The following AEBP2 variants were observed in gnomAD, a reference collection of about 807,000 sequenced individuals.
AEBP2 encodes the protein AE binding protein 2.
A neutral mutation model predicts 50.8 loss-of-function variants in AEBP2; 10 were observed. The observed-to-expected ratio is 0.20, with a 90% CI of 0.12 to 0.33. AEBP2 has a LOEUF of 0.33. Ranked by LOEUF, AEBP2 falls within the 10% of genes least tolerant of loss-of-function variation. The pLI, the probability that AEBP2 is intolerant of heterozygous loss-of-function variation, is 1.00. For synonymous variants in AEBP2, 296 were observed against 261.3 expected, an observed-to-expected ratio of 1.13 and a Z score of -1.28; for missense variants, 570 against 688.0, an observed-to-expected ratio of 0.83 and a Z score of 1.92.
At chr12:19,517,008 A>G (rs1252165485) in intron 7 of AEBP2, among the ~76,000 whole-genome samples, 1 of 152,188 alleles carries the variant, frequency 6.6e-6, no homozygotes, top group Non-Finnish European at 1.5e-5. Flanking sequence ...CCTCAGCTAC[A>G]GAGCAAGAGT....
At chr12:19,419,896 C>T (rs982030326) in intron 1 of AEBP2, among the ~76,000 whole-genome samples, 8 of 152,132 alleles carry the variant, frequency 5.3e-5, no homozygotes, top group African/African-American at 1.9e-4. Flanking sequence ...CACCACTGCG[C>T]TCCAGCCTGG....
At chr12:19,501,799 T>TTTTTTTTTTTTTTTTTTTTTTTTG (rs1949084325) in intron 5 of AEBP2, among the ~76,000 whole-genome samples, 2 of 75,102 alleles carry the variant, frequency 2.7e-5, no homozygotes, top group African/African-American at 1.4e-4. Flanking sequence ...ATGAGTTTGT[T>TTTTTTTTTTTTTTTTTTTTTTTTG]TTTTTTTTTT....
chr12:19,439,658 C>T lies in AEBP2; in HGVS notation c.-42C>T, dbSNP rs1220180145. ...GGGAGAGAGAGTCGAGAGAGGGAGG[C>T]GGCGGTGGGGAGGAGGAGGAGGAGG... On this transcript the variant is annotated 5_prime_UTR_variant, in exon 1 of 8. Coordinates refer to ENST00000266508, the MANE Select transcript of AEBP2 (RefSeq NM_153207.5). 9 of 1,464,698 alleles carry T rather than the reference C, an allele frequency of 6.1e-6. No homozygotes were observed. The highest frequency in any genetic ancestry group is 2.7e-5 in the East Asian group (1 of 36,374). 90.7% of individuals were successfully genotyped at this position (1,464,698 alleles called of 1,614,324 possible). A position where few individuals can be genotyped will look rare whatever the true frequency, so the allele number is the denominator to read the frequency against.
At chr12:19,415,681 C>T (rs2095742169) in intron 1 of AEBP2, among the ~76,000 whole-genome samples, 1 of 151,156 alleles carries the variant, frequency 6.6e-6, no homozygotes, top group Non-Finnish European at 1.5e-5. Context: ...CAATACAATA[C>T]AATACAATAC....
chr12:19,513,962 A>G (rs61912794), intron 6 of AEBP2, among the ~76,000 whole-genome samples: 1 of 133,262 alleles, frequency 7.5e-6, no homozygotes, highest in Non-Finnish European at 1.6e-5. Context: ...TTTTTTTTAA[A>G]TGGACTTTAA....
At chr12:19,455,017 T>A (rs369990484) in intron 1 of AEBP2, among the ~76,000 whole-genome samples, 2 of 152,062 alleles carry the variant, frequency 1.3e-5, no homozygotes, top group African/African-American at 4.8e-5. Context: ...TTTTTTTTTT[T>A]CATGAGATAG....
rs186577244 is a variant in AEBP2 at position 19,467,384 on chromosome 12, C to T, written c.879+4667C>T. Among the ~76,000 whole-genome samples, 492 of 152,308 alleles carry T rather than the reference C, an allele frequency of 3.2e-3. 4 individuals are homozygous for T. The highest frequency in any genetic ancestry group is 4.8e-3 in the Non-Finnish European group (324 of 68,024). Reference sequence around the variant, plus strand: ...TCTCCACTCACTGCAACCTCCACCTCCCAGGTTCGAGTGATGCTCCTGTGT... The same window carrying T: ...TCTCCACTCACTGCAACCTCCACCTTCCAGGTTCGAGTGATGCTCCTGTGT... On this transcript the variant is annotated intron_variant, in intron 2 of 7. Transcript: ENST00000266508.
intron 1 of AEBP2, among the ~76,000 whole-genome samples, chr12:19,422,920 C>T (rs1375477483): frequency 3.3e-5 from 5 of 151,130 alleles, no homozygotes; most frequent in Admixed American, 2.0e-4. Flanking sequence ...AAAATATTAG[C>T]TGGGCATGGT....
chr12:19,462,762 T>G, intron 2 of AEBP2, 45 bp downstream of exon 2: 1 of 1,517,972 alleles, frequency 6.6e-7, no homozygotes, highest in South Asian at 1.2e-5. Flanking sequence ...TTTCGTTAGT[T>G]TTATTAATTT....
intron 1 of AEBP2, among the ~76,000 whole-genome samples, chr12:19,461,042 A>C (rs1164744465): frequency 1.3e-5 from 2 of 152,178 alleles, no homozygotes. Flanking sequence ...AACAGATTAC[A>C]GATAGCAAAT....
intron 1 of AEBP2, among the ~76,000 whole-genome samples, chr12:19,449,085 G>A (rs1948123285): frequency 6.6e-6 from 1 of 152,088 alleles, no homozygotes; most frequent in Non-Finnish European, 1.5e-5. Context: ...ATCAACATGT[G>A]TTTTGAGGTG....
At position 19,466,156 on chromosome 12, in the gene AEBP2, T is replaced by C. The variant is rs574237814; in HGVS notation, c.879+3439T>C. On this transcript the variant is annotated intron_variant, in intron 2 of 7. Transcript: ENST00000266508. ...GTTGTTGGTAGGAACATCAGATTTT[T>C]TTCTTTGAAATGAACTTTAAAAAAA... Among the ~76,000 whole-genome samples, 6 of 152,192 alleles carry C rather than the reference T, an allele frequency of 3.9e-5. No individual in the cohort carries two copies. In the South Asian group the frequency reaches 1.2e-3, roughly 32 times the overall value.
At chr12:19,437,244 G>A (rs1592712353), upstream of AEBP2, among the ~76,000 whole-genome samples, 1 of 152,160 alleles carries the variant, frequency 6.6e-6, no homozygotes, top group East Asian at 1.9e-4. Context: ...CTACATGGAT[G>A]TCCACTCTGT....
At position 19,510,432 on chromosome 12, in the gene AEBP2, G is replaced by A. The variant is rs145667561; in HGVS notation, c.1300-1966G>A. 1.4e-3 allele frequency among the ~76,000 whole-genome samples: 216 copies of A among 152,258 alleles called. 1 individual carries two copies. The highest frequency in any genetic ancestry group is 4.8e-3 in the African/African-American group (200 of 41,542). On this transcript the variant is annotated intron_variant, in intron 5 of 7. Coordinates refer to ENST00000266508, the MANE Select transcript of AEBP2 (RefSeq NM_153207.5). ...ATTGTGTATGCGCATGGGCAGACAC[G>A]GCATATGCCAGGCAGGAAAGTGTTG...
At chr12:19,507,955 C>T (rs1040420404) in intron 5 of AEBP2, among the ~76,000 whole-genome samples, 5 of 152,120 alleles carry the variant, frequency 3.3e-5, no homozygotes, top group Admixed American at 6.5e-5. Context: ...AGGTACTATA[C>T]TGTTTGGTTT....
chr12:19,419,921 C>T (rs2153364285), intron 1 of AEBP2, among the ~76,000 whole-genome samples: 1 of 152,192 alleles, frequency 6.6e-6, no homozygotes, highest in Non-Finnish European at 1.5e-5. Context: ...CAGAGTGAGA[C>T]TCCGTCCTTC....
chr12:19,476,489 C>T (rs1198382160), intron 3 of AEBP2, among the ~76,000 whole-genome samples: 2 of 151,710 alleles, frequency 1.3e-5, no homozygotes, highest in Admixed American at 6.6e-5. Flanking sequence ...TTACAGGTGG[C>T]TGCCACTATG....
chr12:19,413,020 T>TC (rs2095740285), intron 1 of AEBP2: 3 of 413,884 alleles, frequency 7.2e-6, no homozygotes, highest in Middle Eastern at 7.4e-4. Context: ...GGGTGTGGGG[T>TC]CCCCTGGCCT....
At position 19,471,365 on chromosome 12, in the gene AEBP2, C is replaced by T. The variant is rs533481304; in HGVS notation, c.880-1883C>T. 1.8e-4 allele frequency among the ~76,000 whole-genome samples: 28 copies of T among 151,874 alleles called. No homozygotes were observed. The South Asian group carries it at 5.6e-3, about 30-fold the overall frequency. ...TTCCTGGGCTCAAGCAATCCTCCTG[C>T]CTTGGCCTTCCAAAGTGCTGGGGTT... On this transcript the variant is annotated intron_variant, in intron 2 of 7. Transcript: ENST00000266508.
Sources: gnomAD v4.1 joint callset for allele counts (sites outside exome capture counted in the v4.1 genomes callset) on GRCh38, gnomAD v4.1.1 for gene constraint, MANE v1.5 for transcripts, NCBI Gene and HGNC (gene_info 2026-07-23, HGNC 2026-07-21) for gene names.